Variants in CGNL1 observed in about 807,000 individuals in gnomAD.
CGNL1 encodes the protein cingulin like 1, also known as cingulin-like protein 1.
A neutral mutation model predicts 141.2 loss-of-function variants in CGNL1; 132 were observed. That is an observed-to-expected ratio of 0.93 (90% CI 0.81 to 1.08). The LOEUF (loss-of-function observed/expected upper bound fraction) is 1.08. CGNL1 is among the 50% of genes least tolerant of loss of function. The pLI, the probability that CGNL1 is intolerant of heterozygous loss-of-function variation, is 0.00. For missense variants in CGNL1, 1,870 were observed against 1,588.6 expected, an observed-to-expected ratio of 1.18 and a Z score of -3.01; for synonymous variants, 690 against 622.1, an observed-to-expected ratio of 1.11 and a Z score of -1.63.
intron 8 of CGNL1, among the ~76,000 whole-genome samples, chr15:57,471,020 AC>A (rs1294094254): frequency 6.6e-6 from 1 of 152,184 alleles, no homozygotes; most frequent in Non-Finnish European, 1.5e-5. Flanking sequence ...TTTGTACCCA[AC>A]TTCTTTTAGT....
intron 8 of CGNL1, among the ~76,000 whole-genome samples, chr15:57,511,600 C>T (rs767772705): frequency 3.3e-5 from 5 of 152,226 alleles, no homozygotes; most frequent in South Asian, 4.1e-4. Flanking sequence ...GATGAGAATA[C>T]GTTTCCTCAC....
Position 57,438,774 on chromosome 15 carries a change from G to T in CGNL1, c.775G>T (p.Ala259Ser). Residue 259 changes from alanine (A) to serine (S), a missense_variant, in exon 2 of 19, where the codon GCC (alanine) becomes TCC (serine). By Grantham distance (99) the Ala-to-Ser change is moderately conservative. Coordinates refer to ENST00000281282, the MANE Select transcript of CGNL1 (RefSeq NM_032866.5). Reference protein sequence around the residue: ...ALFTSGRPLTAHSPHAHPETK... With the variant: ...ALFTSGRPLTSHSPHAHPETK... ...TTTCACTAGCGGGAGGCCCCTGACT[G>T]CCCACAGCCCACATGCCCACCCTGA... The T allele has an allele frequency of 6.2e-7, 1 of 1,614,170 alleles. No individual in the cohort carries two copies. Among genetic ancestry groups the T allele is most frequent in the Non-Finnish European group, 8.5e-7 (1 of 1,180,022 alleles).
chr15:57,433,475 C>T (rs1199135940), intron 1 of CGNL1, among the ~76,000 whole-genome samples: 2 of 152,222 alleles, frequency 1.3e-5, no homozygotes, highest in Non-Finnish European at 2.9e-5. Context: ...GGGTGATCCC[C>T]GGGCTGGCTG....
At chr15:57,486,250 C>G (rs1459073479) in intron 8 of CGNL1, among the ~76,000 whole-genome samples, 1 of 152,130 alleles carries the variant, frequency 6.6e-6, no homozygotes, top group Non-Finnish European at 1.5e-5. Flanking sequence ...CCTGCTTCTT[C>G]TGTGTTAGGT....
intron 1 of CGNL1, among the ~76,000 whole-genome samples, chr15:57,384,368 A>G (rs1567615): frequency 0.73 from 111,072 of 152,054 alleles, 41,731 homozygotes; most frequent in Non-Finnish European, 0.81. Flanking sequence ...TAGCAATTCT[A>G]TGGGATAGGT....
intron 1 of CGNL1, among the ~76,000 whole-genome samples, chr15:57,416,517 C>A (rs548663272): frequency 6.6e-6 from 1 of 152,192 alleles, no homozygotes; most frequent in Non-Finnish European, 1.5e-5. Context: ...GTTAAGATAG[C>A]CTTCTTGGTG....
intron 14 of CGNL1, among the ~76,000 whole-genome samples, chr15:57,534,064 C>T (rs925750015): frequency 6.6e-6 from 1 of 152,212 alleles, no homozygotes; most frequent in South Asian, 2.1e-4. Flanking sequence ...GAAGGCTCTT[C>T]TGAATTCTAA....
chr15:57,453,747 C>G lies in CGNL1; in HGVS notation c.2119C>G (p.Leu707Val). 1 of 1,614,010 alleles carries G rather than the reference C, an allele frequency of 6.2e-7. No individual in the cohort carries two copies. Among genetic ancestry groups the G allele is most frequent in the South Asian group, 1.1e-5 (1 of 91,060 alleles). The stretch of plus-strand genomic sequence containing the variant: ...TGAGATCAGGGATCTCCAGGACCAG[C>G]TCTCAGAAATGCACGATGAACTGGA... ...QTEIRDLQDQ[L>V]SEMHDELDSA... The change falls in exon 7 of 19, where the codon CTC becomes GTC. Residue 707 changes from leucine (L) to valine (V), a missense_variant. By Grantham distance (32) the Leu-to-Val change is conservative. Coordinates refer to ENST00000281282, the MANE Select transcript of CGNL1 (RefSeq NM_032866.5).
chr15:57,526,254 G>T (rs1183697751), intron 12 of CGNL1, among the ~76,000 whole-genome samples: 1 of 152,046 alleles, frequency 6.6e-6, no homozygotes, highest in East Asian at 1.9e-4. Context: ...ATGCAGCCCT[G>T]TGAGACACTG....
intron 1 of CGNL1, among the ~76,000 whole-genome samples, chr15:57,381,694 G>T (rs184697108): frequency 4.1e-4 from 63 of 152,300 alleles, no homozygotes; most frequent in Admixed American, 3.9e-3. Context: ...TGTGTTCTCA[G>T]TGCCTTGTTT....
chr15:57,537,958 C>T (rs1425683740), intron 14 of CGNL1, among the ~76,000 whole-genome samples: 1 of 152,252 alleles, frequency 6.6e-6, no homozygotes, highest in Non-Finnish European at 1.5e-5. Context: ...GTTTACTCTT[C>T]TCTGGTCCAG....
chr15:57,396,235 G>T (rs543173637), intron 1 of CGNL1, among the ~76,000 whole-genome samples: 1 of 147,206 alleles, frequency 6.8e-6, no homozygotes, highest in Non-Finnish European at 1.5e-5. Context: ...GTTGTTTTTA[G>T]TTCTTGGTTG....
intron 8 of CGNL1, among the ~76,000 whole-genome samples, chr15:57,502,993 T>G (rs568356309): frequency 6.6e-6 from 1 of 152,204 alleles, no homozygotes; most frequent in Non-Finnish European, 1.5e-5. Flanking sequence ...AGTTGGAATA[T>G]GTCAGTACCA....
intron 8 of CGNL1, among the ~76,000 whole-genome samples, chr15:57,465,893 G>A (rs1194112433): frequency 2.6e-5 from 4 of 152,124 alleles, no homozygotes; most frequent in Admixed American, 1.3e-4. Context: ...ATTATATTTC[G>A]AATGTTGTAC....
intron 8 of CGNL1, among the ~76,000 whole-genome samples, chr15:57,497,114 A>G (rs1248638962): frequency 6.6e-6 from 1 of 152,120 alleles, no homozygotes; most frequent in African/African-American, 2.4e-5. Flanking sequence ...ATGGCTGGGG[A>G]CTGATATCCC....
intron 1 of CGNL1, among the ~76,000 whole-genome samples, chr15:57,432,752 G>A (rs951647084): frequency 6.6e-6 from 1 of 152,206 alleles, no homozygotes; most frequent in East Asian, 1.9e-4. Context: ...ATCCACATTT[G>A]CTTAAGACAC....
intron 8 of CGNL1, among the ~76,000 whole-genome samples, chr15:57,511,696 C>T (rs942306581): frequency 3.9e-5 from 6 of 152,132 alleles, no homozygotes; most frequent in African/African-American, 1.4e-4. Context: ...AGTGATGATC[C>T]AATCTTGAAA....
At chr15:57,546,863 C>G (rs530829641) in intron 18 of CGNL1, among the ~76,000 whole-genome samples, 1 of 152,018 alleles carries the variant, frequency 6.6e-6, no homozygotes, top group Non-Finnish European at 1.5e-5. Flanking sequence ...GCTGGCTGCC[C>G]GGGTAGTTCT....
At chr15:57,465,118 G>A (rs2063495266) in intron 8 of CGNL1, among the ~76,000 whole-genome samples, 1 of 152,074 alleles carries the variant, frequency 6.6e-6, no homozygotes. Context: ...GCTTCTGAAG[G>A]TGGCTGCTTA....
Sources: gnomAD v4.1 joint callset for allele counts (sites outside exome capture counted in the v4.1 genomes callset) on GRCh38, gnomAD v4.1.1 for gene constraint, MANE v1.5 for transcripts, NCBI Gene and HGNC (gene_info 2026-07-23, HGNC 2026-07-21) for gene names.